The following RNF180 variants were observed in gnomAD, a reference collection of about 807,000 sequenced individuals.
RNF180 encodes the protein ring finger protein 180.
A neutral mutation model predicts 59.2 loss-of-function variants in RNF180; 38 were observed. The observed-to-expected ratio is 0.64, with a 90% CI of 0.50 to 0.84. The LOEUF (loss-of-function observed/expected upper bound fraction) is 0.84. RNF180 is among the 40% of genes least tolerant of loss of function. RNF180 has a pLI of 0.00. For missense variants in RNF180, 705 were observed against 700.9 expected, an observed-to-expected ratio of 1.01 and a Z score of -0.07; for synonymous variants, 262 against 240.3, an observed-to-expected ratio of 1.09 and a Z score of -0.84.
chr5:64,269,771 G>A (rs1264995420), intron 5 of RNF180, among the ~76,000 whole-genome samples: 1 of 152,064 alleles, frequency 6.6e-6, no homozygotes, highest in Non-Finnish European at 1.5e-5. Context: ...TTTCAATGGA[G>A]TACCAAACAT....
At chr5:64,314,835 T>G (rs1347783758) in intron 5 of RNF180, among the ~76,000 whole-genome samples, 1 of 152,172 alleles carries the variant, frequency 6.6e-6, no homozygotes, top group Admixed American at 6.6e-5. Context: ...AAAATCTAGC[T>G]AGACATGCAG....
intron 5 of RNF180, among the ~76,000 whole-genome samples, chr5:64,292,066 G>A (rs374452723): frequency 1.6e-4 from 24 of 152,036 alleles, no homozygotes; most frequent in East Asian, 1.2e-3. Context: ...CTTTGCATTG[G>A]GTGAGAACAT....
In RNF180 at chr5:64,359,859, T is replaced by G. The variant is rs867478557; in HGVS notation, c.1580-9756T>G. On this transcript the variant is annotated intron_variant, in intron 7 of 7. Coordinates refer to ENST00000389100, the MANE Select transcript of RNF180 (RefSeq NM_001113561.2). ...AGTTTCAGCTTTCTACATATGGCTA[T>G]CCAGTTTTCCCAGCACCATTTATTA... 4.3e-3 allele frequency among the ~76,000 whole-genome samples: 652 copies of G among 151,926 alleles called. 1 individual carries two copies. The highest frequency in any genetic ancestry group is 0.013 in the African/African-American group (533 of 41,510).
At chr5:64,171,076 A>G (rs1236084114) in intron 1 of RNF180, among the ~76,000 whole-genome samples, 9 of 152,232 alleles carry the variant, frequency 5.9e-5, no homozygotes, top group African/African-American at 1.2e-4. Flanking sequence ...CAGTAATTTC[A>G]TAAGAAGTTA....
chr5:64,206,392 A>G (rs909602798), intron 2 of RNF180, among the ~76,000 whole-genome samples: 3 of 152,236 alleles, frequency 2.0e-5, no homozygotes, highest in Non-Finnish European at 4.4e-5. Context: ...TGACATGAAT[A>G]GGACTGATGA....
intron 5 of RNF180, among the ~76,000 whole-genome samples, chr5:64,310,370 C>A (rs1040520311): frequency 1.3e-5 from 2 of 151,712 alleles, no homozygotes; most frequent in African/African-American, 4.8e-5. Flanking sequence ...AGTCTGCCTA[C>A]CATGTTATTG....
chr5:64,230,478 C>T (rs1742035009), intron 5 of RNF180, among the ~76,000 whole-genome samples: 1 of 152,224 alleles, frequency 6.6e-6, no homozygotes, highest in African/African-American at 2.4e-5. Flanking sequence ...TAGCTGGTTG[C>T]ATCTTTCTCA....
chr5:64,213,946 A>ACCAGCTTTTTGTTCC lies in RNF180; in HGVS notation c.628_642dup (p.Phe210_Leu214dup), dbSNP rs752722759. 4.3e-5 allele frequency: 70 copies of ACCAGCTTTTTGTTCC among 1,614,002 alleles called. No individual in the cohort carries two copies. The highest frequency in any genetic ancestry group is 5.7e-5 in the Non-Finnish European group (67 of 1,180,018). ...CTGTCCAAAGCATCAGAACCAAAAT[A>ACCAGCTTTTTGTTCC]CCAGCTTTTTGTTCCCCAGCTTGTG... On this transcript the variant is annotated inframe_insertion, in exon 4 of 8. Coordinates refer to ENST00000389100, the MANE Select transcript of RNF180 (RefSeq NM_001113561.2).
chr5:64,276,319 G>GGTGTGTGTGTGTGTGTGT (rs375203511), intron 5 of RNF180, among the ~76,000 whole-genome samples: 137 of 138,184 alleles, frequency 9.9e-4, no homozygotes, highest in Middle Eastern at 3.6e-3. Flanking sequence ...AAAATACATT[G>GGTGTGTGTGTGTGTGTGT]GTGTGTGTGT....
In RNF180 at chr5:64,256,670, G is replaced by T. The variant is rs936498869; in HGVS notation, c.1227+39274G>T. ...AGCTTTGTTCTTTTGGCTTAGGATT[G>T]ACTTGGCAATGTGGGCTCTTTTTTG... On this transcript the variant is annotated intron_variant, in intron 5 of 7. Coordinates refer to ENST00000389100, the MANE Select transcript of RNF180 (RefSeq NM_001113561.2). 4.6e-5 allele frequency among the ~76,000 whole-genome samples: 7 copies of T among 152,182 alleles called. No individual in the cohort carries two copies. In the East Asian group the frequency reaches 9.6e-4, roughly 21 times the overall value.
chr5:64,244,872 G>C (rs1580096663), intron 5 of RNF180, among the ~76,000 whole-genome samples: 1 of 152,168 alleles, frequency 6.6e-6, no homozygotes, highest in Admixed American at 6.5e-5. Context: ...GGAAGCCCAT[G>C]AGACTAACAG....
intron 7 of RNF180, among the ~76,000 whole-genome samples, chr5:64,350,998 G>A (rs568712415): frequency 6.6e-6 from 1 of 152,078 alleles, no homozygotes; most frequent in Non-Finnish European, 1.5e-5. Flanking sequence ...ATTACCTTGG[G>A]CAGTATGGCC....
intron 7 of RNF180, among the ~76,000 whole-genome samples, chr5:64,334,193 G>A (rs1274241036): frequency 6.6e-6 from 1 of 152,204 alleles, no homozygotes; most frequent in Non-Finnish European, 1.5e-5. Flanking sequence ...TGGGCACTGA[G>A]TCAGAGTGGA....
At chr5:64,184,508 C>G (rs1339206767) in intron 1 of RNF180, among the ~76,000 whole-genome samples, 1 of 152,070 alleles carries the variant, frequency 6.6e-6, no homozygotes, top group Non-Finnish European at 1.5e-5. Context: ...AGAATTTTTG[C>G]TCACCAACTA....
chr5:64,364,925 G>A (rs1405079047), intron 7 of RNF180, among the ~76,000 whole-genome samples: 2 of 150,270 alleles, frequency 1.3e-5, no homozygotes, highest in African/African-American at 4.9e-5. Flanking sequence ...TATCCCCTTT[G>A]TTGTTTCTGA....
At chr5:64,299,451 A>C (rs1743053133) in intron 5 of RNF180, among the ~76,000 whole-genome samples, 1 of 152,004 alleles carries the variant, frequency 6.6e-6, no homozygotes, top group Non-Finnish European at 1.5e-5. Flanking sequence ...TTATTTAATT[A>C]CAGAAAATGC....
intron 5 of RNF180, among the ~76,000 whole-genome samples, chr5:64,241,204 C>T (rs181380215): frequency 7.2e-5 from 11 of 152,276 alleles, no homozygotes; most frequent in Non-Finnish European, 1.5e-4. Context: ...CCTTCTTTGC[C>T]TGCCTTTACT....
intron 1 of RNF180, among the ~76,000 whole-genome samples, chr5:64,185,885 T>C (rs1012258654): frequency 2.6e-5 from 4 of 152,276 alleles, no homozygotes; most frequent in South Asian, 2.1e-4. Context: ...AGGTATCAGA[T>C]GAACAAAGGT....
intron 7 of RNF180, among the ~76,000 whole-genome samples, chr5:64,336,623 G>A (rs1745137571): frequency 6.6e-6 from 1 of 152,168 alleles, no homozygotes. Flanking sequence ...GGAAAATGTT[G>A]ACAGGGAATG....
Sources: gnomAD v4.1 joint callset for allele counts (sites outside exome capture counted in the v4.1 genomes callset) on GRCh38, gnomAD v4.1.1 for gene constraint, MANE v1.5 for transcripts, NCBI Gene and HGNC (gene_info 2026-07-23, HGNC 2026-07-21) for gene names.